Variants in SLC8A1 observed in about 807,000 individuals in gnomAD.
SLC8A1 encodes the protein solute carrier family 8 member A1, also known as sodium/calcium exchanger 1.
A neutral mutation model predicts 68.3 loss-of-function variants in SLC8A1; 18 were observed. That is an observed-to-expected ratio of 0.26 (90% CI 0.18 to 0.39). The LOEUF is 0.39. Among genes scored for constraint, SLC8A1 ranks in the 10% least tolerant of loss-of-function variants. The probability of loss-of-function intolerance (pLI) is 1.00; values close to 1 mark genes in which losing one functional copy is unlikely to be tolerated. For synonymous variants in SLC8A1, 475 were observed against 415.5 expected (o/e 1.14, Z -1.74); for missense variants, 985 against 1,156.7 (o/e 0.85, Z 2.15).
chr2:40,129,876 T>C (rs554844279), intron 7 of SLC8A1, among the ~76,000 whole-genome samples: 1 of 152,254 alleles, frequency 6.6e-6, no homozygotes, highest in South Asian at 2.1e-4. Flanking sequence ...ACTGTGACTT[T>C]TATGGGACTG....
chr2:40,247,456 G>GA (rs1558939682), intron 2 of SLC8A1, among the ~76,000 whole-genome samples: 82 of 111,572 alleles, frequency 7.3e-4, no homozygotes, highest in African/African-American at 3.2e-3. Context: ...GTGTGTGTGT[G>GA]GAGAGAGAGA....
chr2:40,217,778 ATAATGT>A (rs2148819460), intron 2 of SLC8A1, among the ~76,000 whole-genome samples: 1 of 152,350 alleles, frequency 6.6e-6, no homozygotes, highest in South Asian at 2.1e-4. Flanking sequence ...ATTGACACAC[ATAATGT>A]TAATTTCAAG....
chr2:40,416,736 G>C (rs1694000966), intron 2 of SLC8A1, among the ~76,000 whole-genome samples: 1 of 152,016 alleles, frequency 6.6e-6, no homozygotes, highest in Non-Finnish European at 1.5e-5. Flanking sequence ...TGGAACTCCT[G>C]ACTCCTAAAT....
intron 2 of SLC8A1, among the ~76,000 whole-genome samples, chr2:40,197,396 G>A (rs774803555): frequency 7.9e-5 from 12 of 151,902 alleles, no homozygotes; most frequent in Non-Finnish European, 1.5e-4. Flanking sequence ...AACCACAAAT[G>A]CCAAACACAT....
At chr2:40,118,490 A>C (rs1206057693) in intron 7 of SLC8A1, 1 of 152,154 alleles carries the variant, frequency 6.6e-6, no homozygotes, top group Non-Finnish European at 1.5e-5. Flanking sequence ...AGCCCAATCA[A>C]CTATCACAGA....
chr2:40,252,445 G>A (rs746038752), intron 2 of SLC8A1, among the ~76,000 whole-genome samples: 1 of 152,058 alleles, frequency 6.6e-6, no homozygotes, highest in Admixed American at 6.6e-5. Flanking sequence ...TGATTCTCCT[G>A]CCCCAGCCTC....
At chr2:40,169,712 G>A (rs1010657337) in intron 4 of SLC8A1, among the ~76,000 whole-genome samples, 6 of 152,110 alleles carry the variant, frequency 3.9e-5, no homozygotes, top group Admixed American at 6.5e-5. Flanking sequence ...AGGCAGAGGC[G>A]GGTGGACTGC....
At chr2:40,327,640 T>C (rs959947670) in intron 2 of SLC8A1, among the ~76,000 whole-genome samples, 1 of 152,116 alleles carries the variant, frequency 6.6e-6, no homozygotes, top group Non-Finnish European at 1.5e-5. Flanking sequence ...TTATCTTCAG[T>C]GAATTAATGC....
At chr2:40,339,800 A>C (rs1667121472) in intron 2 of SLC8A1, among the ~76,000 whole-genome samples, 1 of 152,226 alleles carries the variant, frequency 6.6e-6, no homozygotes, top group Non-Finnish European at 1.5e-5. Context: ...GATGGATAGA[A>C]AGACAGACAG....
At chr2:40,198,440 C>T (rs1250595180) in intron 2 of SLC8A1, among the ~76,000 whole-genome samples, 2 of 151,912 alleles carry the variant, frequency 1.3e-5, no homozygotes, top group African/African-American at 2.4e-5. Flanking sequence ...ATGCCCAAAA[C>T]ACTTGGTGAC....
upstream of SLC8A1, among the ~76,000 whole-genome samples, chr2:40,452,667 T>C (rs76382918): frequency 3.6e-5 from 5 of 140,812 alleles, no homozygotes; most frequent in Non-Finnish European, 6.0e-5. Context: ...ATATCAATGA[T>C]TTTTTTTTTA....
chr2:40,206,016 A>AT (rs1271572551), intron 2 of SLC8A1, among the ~76,000 whole-genome samples: 8 of 152,110 alleles, frequency 5.3e-5, no homozygotes, highest in Non-Finnish European at 1.0e-4. Context: ...AATAAAATAT[A>AT]TTTAATGAAA....
upstream of SLC8A1, among the ~76,000 whole-genome samples, chr2:40,456,046 G>T (rs1702989793): frequency 6.6e-6 from 1 of 152,232 alleles, no homozygotes; most frequent in South Asian, 2.1e-4. Context: ...GCTGGGCGCG[G>T]TGGCTCACGC....
chr2:40,281,649 G>T (rs184135774), intron 2 of SLC8A1, among the ~76,000 whole-genome samples: 2 of 152,166 alleles, frequency 1.3e-5, no homozygotes, highest in Non-Finnish European at 2.9e-5. Flanking sequence ...CTCCCTTCAG[G>T]CAACTTACAA....
intron 2 of SLC8A1, among the ~76,000 whole-genome samples, chr2:40,295,302 T>G (rs909545092): frequency 3.3e-5 from 5 of 151,972 alleles, no homozygotes; most frequent in African/African-American, 1.2e-4. Context: ...TGGGTCTTGC[T>G]ATGTTTCCCA....
intron 2 of SLC8A1, among the ~76,000 whole-genome samples, chr2:40,315,024 T>C (rs1423725614): frequency 2.0e-5 from 3 of 152,052 alleles, no homozygotes; most frequent in African/African-American, 7.2e-5. Context: ...CAGTACAACG[T>C]TGAATAAAAG....
At chr2:40,187,394 C>G (rs576425843) in intron 2 of SLC8A1, among the ~76,000 whole-genome samples, 1 of 152,104 alleles carries the variant, frequency 6.6e-6, no homozygotes, top group Non-Finnish European at 1.5e-5. Context: ...CCTTGTTGTC[C>G]GTGCCCTGAT....
At chr2:40,287,920 C>A (rs993130703) in intron 2 of SLC8A1, among the ~76,000 whole-genome samples, 2 of 151,978 alleles carry the variant, frequency 1.3e-5, no homozygotes, top group Non-Finnish European at 1.5e-5. Flanking sequence ...AGGAAGAACA[C>A]GCACGTTATG....
intron 2 of SLC8A1, among the ~76,000 whole-genome samples, chr2:40,396,715 A>T (rs935704082): frequency 6.9e-6 from 1 of 144,514 alleles, no homozygotes; most frequent in South Asian, 2.2e-4. Flanking sequence ...TTTGTTAAGC[A>T]GCATCCTTTT....
Sources: allele counts gnomAD v4.1 joint callset (sites outside exome capture counted in the v4.1 genomes callset), GRCh38; gene constraint gnomAD v4.1.1; transcripts MANE v1.5; gene names NCBI Gene and HGNC (gene_info 2026-07-23, HGNC 2026-07-21).